Variants in SCAPER observed in about 807,000 individuals in gnomAD.
SCAPER encodes the protein S-phase cyclin A associated protein in the ER.
In SCAPER, 98 loss-of-function variants were observed where a neutral mutation model predicts 182.2. The ratio of observed to expected loss-of-function variants is 0.54; its 90% CI spans 0.46 to 0.64. The LOEUF (loss-of-function observed/expected upper bound fraction) is 0.64. SCAPER is among the 30% of genes least tolerant of loss of function. SCAPER has a pLI of 0.00. For missense variants in SCAPER, 1,432 were observed against 1,690.0 expected, an observed-to-expected ratio of 0.85 and a Z score of 2.68; for synonymous variants, 605 against 564.6, an observed-to-expected ratio of 1.07 and a Z score of -1.01.
At chr15:76,695,412 A>G (rs557435646) in intron 20 of SCAPER, among the ~76,000 whole-genome samples, 3 of 152,208 alleles carry the variant, frequency 2.0e-5, no homozygotes, top group South Asian at 4.1e-4. Context: ...CCTGGCTGAC[A>G]TGGTAAAACG....
chr15:76,508,205 C>T (rs966605031), intron 23 of SCAPER, among the ~76,000 whole-genome samples: 5 of 152,030 alleles, frequency 3.3e-5, no homozygotes, highest in African/African-American at 9.7e-5. Flanking sequence ...TGGTTGATTG[C>T]TTATTTCTAA....
chr15:76,596,682 T>A (rs1385197523), intron 22 of SCAPER, among the ~76,000 whole-genome samples: 1 of 119,878 alleles, frequency 8.3e-6, no homozygotes, highest in African/African-American at 2.5e-5. Context: ...ATACTATCCA[T>A]CACATAAACA....
chr15:76,756,719 T>C (rs1282490323), intron 14 of SCAPER, among the ~76,000 whole-genome samples: 2 of 152,234 alleles, frequency 1.3e-5, no homozygotes, highest in Non-Finnish European at 2.9e-5. Flanking sequence ...TACTCAGTTA[T>C]AAGAGTGACT....
At position 76,381,630 on chromosome 15, in the gene SCAPER, T is replaced by C. The variant is rs370673816; in HGVS notation, c.3468-15A>G. 1.4e-4 allele frequency: 213 copies of C among 1,549,714 alleles called. No homozygotes were observed. The African/African-American group carries it at 2.5e-3, about 18-fold the overall frequency. ...TGCTGTATGACCTGACAAAGAAACA[T>C]TCAGTTCTTTGAGAAAAACTACTTA... is the stretch of plus-strand genomic sequence containing the variant. On this transcript the variant is annotated splice_polypyrimidine_tract_variant and intron_variant, in intron 27 of 31. Transcript: ENST00000563290.
chr15:76,486,066 G>A (rs976886752), intron 24 of SCAPER, among the ~76,000 whole-genome samples: 10 of 152,122 alleles, frequency 6.6e-5, no homozygotes, highest in African/African-American at 2.2e-4. Context: ...AATTAGCTGG[G>A]CATGGTGGTG....
intron 23 of SCAPER, among the ~76,000 whole-genome samples, chr15:76,545,144 C>A (rs563419959): frequency 2.1e-3 from 320 of 152,190 alleles, no homozygotes; most frequent in Middle Eastern, 0.01. Flanking sequence ...ATTATGAATT[C>A]ACGGATTTTT....
intron 23 of SCAPER, among the ~76,000 whole-genome samples, chr15:76,530,635 G>A (rs2043577207): frequency 6.6e-6 from 1 of 152,114 alleles, no homozygotes; most frequent in Admixed American, 6.6e-5. Flanking sequence ...TGATGATTGT[G>A]TATCTGCACA....
intron 20 of SCAPER, among the ~76,000 whole-genome samples, chr15:76,675,827 C>A (rs1472434004): frequency 6.6e-6 from 1 of 151,400 alleles, no homozygotes; most frequent in Non-Finnish European, 1.5e-5. Flanking sequence ...TTCCATGAAA[C>A]TGGTTTTTTT....
intron 24 of SCAPER, among the ~76,000 whole-genome samples, chr15:76,499,556 T>G (rs2040909150): frequency 2.0e-5 from 3 of 152,184 alleles, no homozygotes; most frequent in African/African-American, 7.2e-5. Context: ...TGTCCTATGA[T>G]TTACAAATAA....
chr15:76,445,081 C>A (rs62028417), intron 25 of SCAPER, among the ~76,000 whole-genome samples: 10,317 of 152,132 alleles, frequency 0.068, 389 homozygotes, highest in Middle Eastern at 0.11. Flanking sequence ...CACCTGTCAC[C>A]CGAATAGTGT....
Position 76,705,933 on chromosome 15 carries a change from C to T in SCAPER, c.2217G>A (p.Met739Ile). The T allele has an allele frequency of 1.9e-6, 3 of 1,563,182 alleles. No homozygotes were observed. The change falls in exon 18 of 32, where the codon ATG becomes ATA. Residue 739 changes from methionine to isoleucine, a missense_variant. Around this residue, in one of 5 missense-constraint regions of SCAPER, gnomAD observed 718 missense variants for 799.7 expected, o/e 0.90. Transcript: ENST00000563290. Reference protein sequence around the residue: ...AALTAAQQEAMEELQKKIQLK... With the variant: ...AALTAAQQEAIEELQKKIQLK... ...GCTGAATTTTTTTCTGTAACTCTTC[C>T]ATAGCTTCTTGTTGAGCAGCTGTGA...
intron 29 of SCAPER, among the ~76,000 whole-genome samples, chr15:76,371,924 A>C (rs942620811): frequency 2.0e-5 from 3 of 152,088 alleles, no homozygotes; most frequent in African/African-American, 7.2e-5. Flanking sequence ...GTCTCAAAAA[A>C]AAAATAAATA....
intron 22 of SCAPER, among the ~76,000 whole-genome samples, chr15:76,587,961 G>A (rs972154903): frequency 1.5e-4 from 22 of 148,984 alleles, no homozygotes; most frequent in South Asian, 4.2e-4. Flanking sequence ...TTGCTCTGTC[G>A]CCCAGGCTGC....
At chr15:76,546,906 G>C (rs1254177541) in intron 23 of SCAPER, among the ~76,000 whole-genome samples, 1 of 152,068 alleles carries the variant, frequency 6.6e-6, no homozygotes, top group Non-Finnish European at 1.5e-5. Flanking sequence ...ATTCTATTCT[G>C]TGACAATGCT....
At chr15:76,393,065 A>C (rs181873121) in intron 27 of SCAPER, among the ~76,000 whole-genome samples, 8 of 152,258 alleles carry the variant, frequency 5.3e-5, no homozygotes, top group Admixed American at 2.0e-4. Flanking sequence ...TCATCTTTCC[A>C]TTCCTTCAAG....
At chr15:76,644,622 A>G (rs1180152463) in intron 21 of SCAPER, among the ~76,000 whole-genome samples, 2 of 152,082 alleles carry the variant, frequency 1.3e-5, no homozygotes, top group African/African-American at 4.8e-5. Context: ...ACTGCTTTAC[A>G]CATGTTATCA....
At chr15:76,505,267 C>T (rs1227230140) in intron 23 of SCAPER, among the ~76,000 whole-genome samples, 1 of 152,080 alleles carries the variant, frequency 6.6e-6, no homozygotes, top group South Asian at 2.1e-4. Flanking sequence ...AGTTAAAAAG[C>T]TTCTGCACAG....
chr15:76,549,382 A>T (rs1309460375), intron 23 of SCAPER, among the ~76,000 whole-genome samples: 1 of 152,250 alleles, frequency 6.6e-6, no homozygotes, highest in Non-Finnish European at 1.5e-5. Context: ...GATAGACCTG[A>T]TTAAGAAAAT....
intron 17 of SCAPER, among the ~76,000 whole-genome samples, chr15:76,728,081 A>C (rs1217435777): frequency 6.6e-6 from 1 of 152,096 alleles, no homozygotes; most frequent in Non-Finnish European, 1.5e-5. Context: ...CACACCAATA[A>C]AAGGGACTTA....
Sources: allele counts gnomAD v4.1 joint callset (sites outside exome capture counted in the v4.1 genomes callset), GRCh38; gene constraint gnomAD v4.1.1; regional missense constraint gnomAD v4.1.1; transcripts MANE v1.5; gene names NCBI Gene and HGNC (gene_info 2026-07-23, HGNC 2026-07-21).